CSMD2: variants seen among roughly 807,000 people sequenced by gnomAD.
The protein encoded by CSMD2 is CUB and sushi domain-containing protein 2.
Under a neutral mutation model 398.5 loss-of-function variants are expected in CSMD2, and 130 were observed. That is an observed-to-expected ratio of 0.33 (90% CI 0.28 to 0.38). The LOEUF is 0.38. Ranked by LOEUF, CSMD2 falls within the 10% of genes least tolerant of loss-of-function variation. The pLI, the probability that CSMD2 is intolerant of heterozygous loss-of-function variation, is 1.00. For synonymous variants in CSMD2, 1,828 were observed against 1,908.5 expected, an observed-to-expected ratio of 0.96 and a Z score of 1.10; for missense variants, 3,829 against 4,764.9, an observed-to-expected ratio of 0.80 and a Z score of 5.78.
chr1:33,839,244 ACC>A (rs2125060799), intron 6 of CSMD2: 1 of 152,338 alleles, frequency 6.6e-6, no homozygotes, highest in South Asian at 2.1e-4. Context: ...AGTTAATTGT[ACC>A]CACCTTAAAA....
chr1:33,993,013 G>T (rs1646611106), intron 3 of CSMD2, among the ~76,000 whole-genome samples: 1 of 152,112 alleles, frequency 6.6e-6, no homozygotes. Context: ...AGTACATCTT[G>T]TATTGTCCCA....
intron 3 of CSMD2, among the ~76,000 whole-genome samples, chr1:34,031,620 T>A (rs561004012): frequency 6.6e-6 from 1 of 151,988 alleles, no homozygotes; most frequent in South Asian, 2.1e-4. Flanking sequence ...CCACCAGGGG[T>A]GGTTTTTTGC....
chr1:33,539,442 T>C (rs1316694669), intron 60 of CSMD2, among the ~76,000 whole-genome samples: 3 of 152,116 alleles, frequency 2.0e-5, no homozygotes, highest in African/African-American at 4.8e-5. Flanking sequence ...TAAAGAAAGG[T>C]AGAAAGGTAT....
At chr1:33,879,932 AAT>A (rs1641121051) in intron 5 of CSMD2, among the ~76,000 whole-genome samples, 1 of 152,220 alleles carries the variant, frequency 6.6e-6, no homozygotes, top group Non-Finnish European at 1.5e-5. Flanking sequence ...GAGAGTTTAT[AAT>A]ATGTTAAGTT....
At chr1:33,591,769 C>T (rs1481006930) in intron 44 of CSMD2, 1 of 152,630 alleles carries the variant, frequency 6.6e-6, no homozygotes, top group Non-Finnish European at 1.5e-5. Context: ...GGACTACAGG[C>T]ATGCACCACC....
intron 3 of CSMD2, among the ~76,000 whole-genome samples, chr1:33,958,277 A>C (rs954450230): frequency 1.3e-5 from 2 of 152,178 alleles, no homozygotes; most frequent in Non-Finnish European, 2.9e-5. Context: ...TACCTATCAC[A>C]TAGCATTGTT....
chr1:33,528,544 C>T (rs921077464), intron 64 of CSMD2, among the ~76,000 whole-genome samples: 7 of 152,202 alleles, frequency 4.6e-5, no homozygotes, highest in Non-Finnish European at 8.8e-5. Flanking sequence ...GCTTTATCGT[C>T]TTAGGTTTCA....
intron 41 of CSMD2, among the ~76,000 whole-genome samples, chr1:33,609,134 C>T (rs1640830783): frequency 6.6e-6 from 1 of 152,208 alleles, no homozygotes; most frequent in Non-Finnish European, 1.5e-5. Context: ...AGTGAAGTGG[C>T]TCTGTCTGGG....
chr1:33,619,758 A>G (rs1641644381), intron 37 of CSMD2, among the ~76,000 whole-genome samples: 1 of 152,184 alleles, frequency 6.6e-6, no homozygotes. Flanking sequence ...TTGGAAATGA[A>G]AACTCTTTGA....
At chr1:33,532,533 A>C (rs1415387290) in intron 64 of CSMD2, among the ~76,000 whole-genome samples, 2 of 152,136 alleles carry the variant, frequency 1.3e-5, no homozygotes, top group East Asian at 1.9e-4. Flanking sequence ...TGTTCCTCCA[A>C]GTACTCCAAA....
chr1:34,049,220 G>T (rs969978374), intron 2 of CSMD2, among the ~76,000 whole-genome samples: 1 of 152,168 alleles, frequency 6.6e-6, no homozygotes, highest in Admixed American at 6.5e-5. Flanking sequence ...TTACCTGTGG[G>T]CCTCATCTGT....
rs1553126081 is a variant in CSMD2, at chr1:33,514,290, TTC to T, written c.*2332_*2333del. 73 of 152,420 alleles carry T rather than the reference TTC, an allele frequency of 4.8e-4. No homozygotes were observed. In the East Asian group the frequency reaches 0.013, roughly 28 times the overall value. 9.4% of individuals were successfully genotyped at this position (152,420 alleles called of 1,614,324 possible). On this transcript the variant is annotated 3_prime_UTR_variant, in exon 71 of 71. Transcript: ENST00000373381. ...AAAAAAAATTTACACCTTTTTTTTT[TTC>T]TTTTTTGGTACTGTACAAACTTTGT...
At chr1:33,779,565 G>A (rs1258470393) in intron 12 of CSMD2, among the ~76,000 whole-genome samples, 3 of 152,216 alleles carry the variant, frequency 2.0e-5, no homozygotes, top group African/African-American at 7.2e-5. Flanking sequence ...TCAGATGGCT[G>A]TAACGTGGCA....
At chr1:33,742,130 G>A (rs1647088444) in intron 14 of CSMD2, among the ~76,000 whole-genome samples, 1 of 152,260 alleles carries the variant, frequency 6.6e-6, no homozygotes, top group Admixed American at 6.5e-5. Context: ...GCCCACAGCA[G>A]ATGAAACAGG....
At chr1:33,837,319 CAAG>C (rs1191927170) in intron 6 of CSMD2, among the ~76,000 whole-genome samples, 1 of 152,098 alleles carries the variant, frequency 6.6e-6, no homozygotes, top group Non-Finnish European at 1.5e-5. Flanking sequence ...AAGGTCAAAA[CAAG>C]AAGATGAACA....
intron 10 of CSMD2, among the ~76,000 whole-genome samples, chr1:33,801,381 C>T (rs796547382): frequency 5.9e-5 from 9 of 152,292 alleles, no homozygotes; most frequent in African/African-American, 1.4e-4. Flanking sequence ...GTCTGGGTTT[C>T]AGTCCTGTCT....
In CSMD2 at chr1:33,621,118, C is replaced by T. The variant is rs115534636; in HGVS notation, c.5827+1049G>A. Among the ~76,000 whole-genome samples the T allele has an allele frequency of 1.9e-3, 295 of 152,310 alleles. 2 individuals are homozygous for T. The highest frequency in any genetic ancestry group is 6.8e-3 in the Middle Eastern group (2 of 294). Reference sequence around the variant, plus strand: ...GGCCTTACATGGCTAGCTTTAGCTCCTTTCCTTTGTACTTTCTTAGCATCT... The same window carrying T: ...GGCCTTACATGGCTAGCTTTAGCTCTTTTCCTTTGTACTTTCTTAGCATCT... On this transcript the variant is annotated intron_variant, in intron 37 of 70. Transcript: ENST00000373381.
intron 9 of CSMD2, among the ~76,000 whole-genome samples, chr1:33,814,467 C>T (rs879776893): frequency 1.6e-4 from 24 of 152,216 alleles, no homozygotes; most frequent in Non-Finnish European, 2.6e-4. Flanking sequence ...GAACATCTTC[C>T]TCTTCCTCTT....
In CSMD2 at chr1:33,918,234, C is replaced by T. The variant is rs548252791; in HGVS notation, c.780G>A (p.Ser260=). ...TGCAGTCGGCATTGTTATGGTACTCCGAGGGGAAGTGGGGGCTGGAGATGA... is the reference window on the plus strand; with the variant it reads ...TGCAGTCGGCATTGTTATGGTACTCTGAGGGGAAGTGGGGGCTGGAGATGA... ...SGIISSPHFP[S]EYHNNADCTW... The change falls in exon 5 of 71, where the codon TCG becomes TCA. Residue 260 remains serine (S), a synonymous_variant. Transcript: ENST00000373381. 43 of 1,614,098 alleles carry T rather than the reference C, an allele frequency of 2.7e-5. No homozygotes were observed. The highest frequency in any genetic ancestry group is 1.0e-4 in the Admixed American group (6 of 60,022).
Sources: allele counts gnomAD v4.1 joint callset (sites outside exome capture counted in the v4.1 genomes callset), GRCh38; gene constraint gnomAD v4.1.1; transcripts MANE v1.5; gene names NCBI Gene and HGNC (gene_info 2026-07-23, HGNC 2026-07-21).